The following DPP6 variants were observed in gnomAD, a reference collection of about 807,000 sequenced individuals.
DPP6 encodes A-type potassium channel modulatory protein DPP6.
A neutral mutation model predicts 122.6 loss-of-function variants in DPP6; 69 were observed. The ratio of observed to expected loss-of-function variants is 0.56; its 90% confidence interval spans 0.46 to 0.69. The LOEUF (loss-of-function observed/expected upper bound fraction) is 0.69. Ranked by LOEUF, DPP6 falls within the 30% of genes least tolerant of loss-of-function variation. The pLI, the probability that DPP6 is intolerant of heterozygous loss-of-function variation, is 0.00. For synonymous variants in DPP6, 418 were observed against 433.1 expected (o/e 0.97, Z 0.43); for missense variants, 928 against 1,116.9 (o/e 0.83, Z 2.41).
chr7:154,444,034 G>T (rs73726878), intron 1 of DPP6, among the ~76,000 whole-genome samples: 28,777 of 151,638 alleles, frequency 0.19, 3,891 homozygotes, highest in African/African-American at 0.38. Context: ...AAGTCTGAAT[G>T]TGGGGAGCCA....
At chr7:154,692,508 TC>T (rs1347204603) in intron 7 of DPP6, among the ~76,000 whole-genome samples, 2 of 152,176 alleles carry the variant, frequency 1.3e-5, no homozygotes, top group African/African-American at 2.4e-5. Context: ...TCAAATTGTA[TC>T]CTCATGTGCA....
intron 1 of DPP6, among the ~76,000 whole-genome samples, chr7:153,908,547 A>T (rs1799944729): frequency 6.6e-6 from 1 of 152,200 alleles, no homozygotes; most frequent in African/African-American, 2.4e-5. Flanking sequence ...GTCTGATAAG[A>T]GAGAGACCTC....
At chr7:154,464,048 T>C (rs1821574396) in intron 2 of DPP6, among the ~76,000 whole-genome samples, 1 of 152,176 alleles carries the variant, frequency 6.6e-6, no homozygotes, top group Non-Finnish European at 1.5e-5. Context: ...TTGCAGTTCT[T>C]GCGGCCTAGA....
chr7:153,928,396 A>ATTTTCTTTTTTTT (rs1801011548), intron 1 of DPP6, among the ~76,000 whole-genome samples: 1 of 43,672 alleles, frequency 2.3e-5, no homozygotes. Flanking sequence ...CTTTTCTTTC[A>ATTTTCTTTTTTTT]TTTTTTTTTT....
intron 16 of DPP6, among the ~76,000 whole-genome samples, chr7:154,849,921 A>T (rs1384609715): frequency 6.6e-6 from 1 of 152,238 alleles, no homozygotes; most frequent in Non-Finnish European, 1.5e-5. Flanking sequence ...TATTGCAAGG[A>T]TTGCATGGCC....
chr7:154,344,620 A>G (rs1384469052), intron 1 of DPP6, among the ~76,000 whole-genome samples: 2 of 152,174 alleles, frequency 1.3e-5, no homozygotes, highest in Non-Finnish European at 2.9e-5. Flanking sequence ...TACGTGAGAG[A>G]GATCCAGTTA....
At chr7:154,513,946 C>G (rs1407918457) in intron 3 of DPP6, among the ~76,000 whole-genome samples, 1 of 152,150 alleles carries the variant, frequency 6.6e-6, no homozygotes, top group Non-Finnish European at 1.5e-5. Flanking sequence ...GCTGTGATTT[C>G]CAAAGCCATA....
chr7:154,143,798 T>C (rs1217516560), intron 1 of DPP6, among the ~76,000 whole-genome samples: 1 of 152,076 alleles, frequency 6.6e-6, no homozygotes, highest in Non-Finnish European at 1.5e-5. Context: ...TCTTGGGCTA[T>C]AGCTTCACAG....
intron 6 of DPP6, among the ~76,000 whole-genome samples, chr7:154,652,125 G>A (rs553858220): frequency 2.6e-5 from 4 of 152,104 alleles, no homozygotes; most frequent in Admixed American, 2.0e-4. Context: ...GGGCTCCTCC[G>A]CAGGCTCCCA....
intron 6 of DPP6, among the ~76,000 whole-genome samples, chr7:154,642,591 AAAAAC>A (rs934314246): frequency 6.6e-6 from 1 of 151,736 alleles, no homozygotes; most frequent in African/African-American, 2.4e-5. Context: ...CTCCATCTCA[AAAAAC>A]AAAACAAAAC....
Position 154,309,897 on chromosome 7 carries a change from G to T in DPP6, c.244-136317G>T, listed in dbSNP as rs79951583. On this transcript the variant is annotated intron_variant, in intron 1 of 25. Coordinates refer to ENST00000377770, the MANE Select transcript of DPP6 (RefSeq NM_130797.4). The stretch of plus-strand genomic sequence containing the variant: ...GATGTAGCAGCCATGCTCACGTACA[G>T]TAAATTCCATCTGTGCATGGTCTAA... 6.2e-3 allele frequency among the ~76,000 whole-genome samples: 940 copies of T among 152,264 alleles called. 13 individuals are homozygous for T. The highest frequency in any genetic ancestry group is 0.021 in the African/African-American group (881 of 41,542).
At chr7:154,127,658 C>CAG (rs1808030752) in intron 1 of DPP6, among the ~76,000 whole-genome samples, 1 of 149,158 alleles carries the variant, frequency 6.7e-6, no homozygotes, top group African/African-American at 2.5e-5. Flanking sequence ...CACAGACACA[C>CAG]ACACACACAC....
chr7:154,892,313 T>G, intron 25 of DPP6, 21 bp from the exon 26 acceptor site: 1 of 1,613,970 alleles, frequency 6.2e-7, no homozygotes, highest in Non-Finnish European at 8.5e-7. Flanking sequence ...GGAGAGTAAT[T>G]TCTCCGTGCC....
Position 154,241,952 on chromosome 7 carries a change from T to C in DPP6, c.243+188889T>C, listed in dbSNP as rs1376326205. Among the ~76,000 whole-genome samples the C allele has an allele frequency of 6.6e-6, 1 of 152,198 alleles. No individual in the cohort carries two copies. Among genetic ancestry groups the C allele is most frequent in the Non-Finnish European group, 1.5e-5 (1 of 68,032 alleles). ...TTTCTAGTAGATGTTAATCAAATTCTTTGCATGTGATTGCTCAGTCTCTTT... is the reference window on the plus strand; with the variant it reads ...TTTCTAGTAGATGTTAATCAAATTCCTTGCATGTGATTGCTCAGTCTCTTT... On this transcript the variant is annotated intron_variant, in intron 1 of 25. Transcript: ENST00000377770. The surrounding 1 kb of genome is among the most constrained non-coding windows in gnomAD (Gnocchi z 9.0).
chr7:154,278,029 G>A (rs1447946500), intron 1 of DPP6, among the ~76,000 whole-genome samples: 1 of 152,150 alleles, frequency 6.6e-6, no homozygotes, highest in African/African-American at 2.4e-5. Context: ...CCCGTCATGC[G>A]GGCGACAGAT....
chr7:154,739,009 G>A (rs1040259097), intron 8 of DPP6, among the ~76,000 whole-genome samples: 4 of 152,170 alleles, frequency 2.6e-5, no homozygotes, highest in Non-Finnish European at 4.4e-5. Flanking sequence ...TTTCCCTCAC[G>A]GTCACTCAAG....
the DPP6 span, among the ~76,000 whole-genome samples, chr7:153,821,147 TAATC>T: frequency 1.3e-5 from 2 of 152,222 alleles, no homozygotes; most frequent in African/African-American, 4.8e-5. Flanking sequence ...ATTACATAAT[TAATC>T]ACAGTAAAAG....
chr7:154,215,722 C>T (rs1799960029), intron 1 of DPP6, among the ~76,000 whole-genome samples: 1 of 151,886 alleles, frequency 6.6e-6, no homozygotes, highest in South Asian at 2.1e-4. Flanking sequence ...GTAGGCTGGC[C>T]CAGAATCAAC....
At chr7:154,263,704 T>A (rs1395546783) in intron 1 of DPP6, among the ~76,000 whole-genome samples, 3 of 152,232 alleles carry the variant, frequency 2.0e-5, no homozygotes, top group African/African-American at 7.2e-5. Context: ...ATTATTATTT[T>A]TGAGACAAAG....
Sources: gnomAD v4.1 joint callset for allele counts (sites outside exome capture counted in the v4.1 genomes callset) on GRCh38, gnomAD v4.1.1 for gene constraint, Gnocchi (gnomAD v3.1) non-coding constraint, MANE v1.5 for transcripts, NCBI Gene and HGNC (gene_info 2026-07-23, HGNC 2026-07-21) for gene names.